The following COL25A1 variants were observed in gnomAD, a reference collection of about 807,000 sequenced individuals.
COL25A1 encodes collagen alpha-1(XXV) chain.
In COL25A1, 103 loss-of-function variants were observed where a neutral mutation model predicts 128.4. The ratio of observed to expected loss-of-function variants is 0.80; its 90% CI spans 0.68 to 0.94. COL25A1 has a LOEUF of 0.94. Among genes scored for constraint, COL25A1 ranks in the 40% least tolerant of loss-of-function variants. The pLI, the probability that COL25A1 is intolerant of heterozygous loss-of-function variation, is 0.00. For missense variants in COL25A1, 745 were observed against 840.0 expected (o/e 0.89, Z 1.40); for synonymous variants, 279 against 277.2 (o/e 1.01, Z -0.06).
intron 3 of COL25A1, among the ~76,000 whole-genome samples, chr4:109,236,071 A>T (rs1384525088): frequency 6.6e-6 from 1 of 152,048 alleles, no homozygotes; most frequent in Admixed American, 6.6e-5. Flanking sequence ...ATTCATATTC[A>T]TAAAATTAAG....
At chr4:108,821,534 T>C (rs2125710154) in intron 35 of COL25A1, among the ~76,000 whole-genome samples, 1 of 152,310 alleles carries the variant, frequency 6.6e-6, no homozygotes, top group East Asian at 1.9e-4. Flanking sequence ...TGAGACCAGG[T>C]GTCTTGGGTA....
chr4:108,847,402 G>A (rs903433256), intron 27 of COL25A1, among the ~76,000 whole-genome samples: 7 of 151,984 alleles, frequency 4.6e-5, no homozygotes, highest in Non-Finnish European at 1.0e-4. Flanking sequence ...TTATGGAAAG[G>A]AACTTTTCTT....
rs373930212 is a variant in COL25A1 at position 109,081,042 on chromosome 4, G to A, written c.368-30863C>T. Among the ~76,000 whole-genome samples, 3 of 152,282 alleles carry A rather than the reference G, an allele frequency of 2.0e-5. 1 individual carries two copies. Among genetic ancestry groups the A allele is most frequent in the Admixed American group, 2.0e-4 (3 of 15,300 alleles). On this transcript the variant is annotated intron_variant, in intron 3 of 37. Coordinates refer to ENST00000399132, the MANE Select transcript of COL25A1 (RefSeq NM_198721.4). ...ACCTGCGCAAGGTCACATTGCTGGC[G>A]AGTAGGGTCACTGGGAGAATTCAGA...
At chr4:109,046,874 G>T (rs1366105045) in intron 5 of COL25A1, among the ~76,000 whole-genome samples, 2 of 152,176 alleles carry the variant, frequency 1.3e-5, no homozygotes, top group Admixed American at 6.5e-5. Context: ...CAAGGCCAAT[G>T]ATCATTGCTA....
rs574626902 is a variant in COL25A1 at position 108,970,714 on chromosome 4, C to T, written c.492+3653G>A. ...TGACCAACATCTCCTAAAACCCTCC[C>T]CACCAGCCATGGGTCACCACCATTA... On this transcript the variant is annotated intron_variant, in intron 8 of 37. Coordinates refer to ENST00000399132, the MANE Select transcript of COL25A1 (RefSeq NM_198721.4). 6.6e-5 allele frequency among the ~76,000 whole-genome samples: 10 copies of T among 152,232 alleles called. No individual in the cohort carries two copies. In the South Asian group the frequency reaches 2.1e-3, roughly 32 times the overall value.
intron 3 of COL25A1, among the ~76,000 whole-genome samples, chr4:109,238,746 T>C (rs1459051018): frequency 2.6e-5 from 4 of 152,086 alleles, no homozygotes; most frequent in Non-Finnish European, 4.4e-5. Context: ...CTACTCCTTG[T>C]TTTCCCCATT....
intron 20 of COL25A1, among the ~76,000 whole-genome samples, 190 bp downstream of exon 20, chr4:108,868,898 A>C (rs1277330497): frequency 1.4e-5 from 2 of 143,642 alleles, no homozygotes; most frequent in Non-Finnish European, 3.1e-5. Flanking sequence ...AGATGGAAGG[A>C]AAGAGAAAAA....
intron 24 of COL25A1, among the ~76,000 whole-genome samples, chr4:108,858,556 C>T (rs908223927): frequency 2.6e-5 from 4 of 152,038 alleles, no homozygotes; most frequent in Non-Finnish European, 5.9e-5. Flanking sequence ...GGACTCATTT[C>T]GTAGGTGGGA....
chr4:109,274,907 C>T (rs978185648), intron 3 of COL25A1, among the ~76,000 whole-genome samples: 2 of 152,124 alleles, frequency 1.3e-5, no homozygotes, highest in Admixed American at 1.3e-4. Context: ...TGTGTCGGCA[C>T]AGTAAAACCA....
chr4:108,977,702 G>A (rs1227303499), intron 6 of COL25A1, among the ~76,000 whole-genome samples: 3 of 152,194 alleles, frequency 2.0e-5, no homozygotes, highest in Non-Finnish European at 2.9e-5. Flanking sequence ...GAACATATAT[G>A]TTTGGGAAAG....
At chr4:109,269,381 C>T (rs544319965) in intron 3 of COL25A1, among the ~76,000 whole-genome samples, 4,146 of 144,240 alleles carry the variant, frequency 0.029, 200 homozygotes, top group African/African-American at 0.11. Context: ...TGAATAATGC[C>T]GCAATAAACA....
intron 8 of COL25A1, 133 bp downstream of exon 8, chr4:108,974,234 G>A (rs1209326018): frequency 3.2e-5 from 26 of 824,004 alleles, no homozygotes; most frequent in South Asian, 4.8e-5. Flanking sequence ...TCACTTACAA[G>A]TGGTATGGTA....
intron 6 of COL25A1, among the ~76,000 whole-genome samples, chr4:109,008,232 G>T (rs1013286927): frequency 7.9e-5 from 12 of 152,136 alleles, no homozygotes; most frequent in African/African-American, 2.4e-4. Context: ...AGCTGTGAAC[G>T]TCAACAGTAA....
chr4:109,172,501 T>C (rs1773685968), intron 3 of COL25A1, among the ~76,000 whole-genome samples: 4 of 152,154 alleles, frequency 2.6e-5, no homozygotes, highest in African/African-American at 9.6e-5. Flanking sequence ...TGATCCTTCT[T>C]GCCTCCTGTG....
chr4:109,293,355 C>T (rs1226751774), intron 3 of COL25A1, among the ~76,000 whole-genome samples: 1 of 151,930 alleles, frequency 6.6e-6, no homozygotes, highest in Non-Finnish European at 1.5e-5. Flanking sequence ...GGGGCTTTTT[C>T]CTCCCCTCTT....
chr4:108,875,218 A>G (rs1017779198), intron 19 of COL25A1, among the ~76,000 whole-genome samples: 2 of 152,214 alleles, frequency 1.3e-5, no homozygotes, highest in African/African-American at 4.8e-5. Flanking sequence ...AATGGGATCT[A>G]ATTAAACTAA....
chr4:108,830,566 T>G (rs1356175526), intron 32 of COL25A1, among the ~76,000 whole-genome samples: 1 of 152,232 alleles, frequency 6.6e-6, no homozygotes, highest in African/African-American at 2.4e-5. Flanking sequence ...TGGAGAGTAC[T>G]GATATATGAT....
chr4:108,839,125 G>A (rs1734135672), intron 31 of COL25A1, among the ~76,000 whole-genome samples: 1 of 152,080 alleles, frequency 6.6e-6, no homozygotes, highest in Admixed American at 6.6e-5. Flanking sequence ...TTTAACCTAG[G>A]CAGTATTTAC....
At chr4:109,117,704 G>A (rs183115901) in intron 3 of COL25A1, among the ~76,000 whole-genome samples, 5 of 151,932 alleles carry the variant, frequency 3.3e-5, no homozygotes, top group Non-Finnish European at 5.9e-5. Context: ...TTATATATAT[G>A]CTTATATATA....
Sources: gnomAD v4.1 joint callset for allele counts (sites outside exome capture counted in the v4.1 genomes callset) on GRCh38, gnomAD v4.1.1 for gene constraint, MANE v1.5 for transcripts, NCBI Gene and HGNC (gene_info 2026-07-23, HGNC 2026-07-21) for gene names.